Variants in DCDC1 observed in about 807,000 individuals in gnomAD.
DCDC1 encodes doublecortin domain containing 1, also known as doublecortin domain-containing protein 1.
Under a neutral mutation model 178.3 loss-of-function variants are expected in DCDC1, and 200 were observed. The ratio of observed to expected loss-of-function variants is 1.12; its 90% CI spans 1.00 to 1.26. The LOEUF (loss-of-function observed/expected upper bound fraction) is 1.26, where lower values mean the gene tolerates loss of function less well. Among genes scored for constraint, DCDC1 ranks in the 50% most tolerant of loss-of-function variants. The pLI, the probability that DCDC1 is intolerant of heterozygous loss-of-function variation, is 0.00. For missense variants in DCDC1, 1,983 were observed against 1,749.2 expected, an observed-to-expected ratio of 1.13 and a Z score of -2.38; for synonymous variants, 690 against 604.8, an observed-to-expected ratio of 1.14 and a Z score of -2.07.
rs940660525 is a variant in DCDC1 at position 31,146,005 on chromosome 11, C to T, written c.1222-8221G>A. ...TAATATTACTTTCTTCCTGAGCTCT[C>T]ACCCACTGGATAATGGGGGCAAAAT... On this transcript the variant is annotated intron_variant, in intron 9 of 38. Transcript: ENST00000684477. Among the ~76,000 whole-genome samples, 16 of 151,874 alleles carry T rather than the reference C, an allele frequency of 1.1e-4. 1 individual carries two copies. The highest frequency in any genetic ancestry group is 9.2e-4 in the Admixed American group (14 of 15,256).
intron 3 of DCDC1, among the ~76,000 whole-genome samples, chr11:31,308,382 C>A (rs1470059774): frequency 2.6e-5 from 4 of 152,278 alleles, no homozygotes; most frequent in Non-Finnish European, 4.4e-5. Context: ...AAACAATCCC[C>A]CAATAGAGAA....
rs1320787930 is a variant in DCDC1 at position 31,037,544 on chromosome 11, G to A, written c.2591+26925C>T. ...GCCTCCCGGGATACGCCATTCTCCT[G>A]CCTCAGCCTCCCCAGTAGCTGGGAC... On this transcript the variant is annotated intron_variant, in intron 20 of 38. Coordinates refer to ENST00000684477, the MANE Select transcript of DCDC1 (RefSeq NM_001387274.1). 2.0e-5 allele frequency among the ~76,000 whole-genome samples: 3 copies of A among 150,380 alleles called. No homozygotes were observed. The East Asian group carries it at 6.0e-4, about 30-fold the overall frequency.
intron 9 of DCDC1, among the ~76,000 whole-genome samples, chr11:31,227,317 C>T (rs542706947): frequency 6.6e-6 from 1 of 152,126 alleles, no homozygotes; most frequent in South Asian, 2.1e-4. Flanking sequence ...GTCAACACAT[C>T]AAATGGTAAG....
chr11:30,907,810 C>T (rs1007357581), intron 29 of DCDC1, among the ~76,000 whole-genome samples: 8 of 151,932 alleles, frequency 5.3e-5, no homozygotes, highest in Non-Finnish European at 1.2e-4. Flanking sequence ...ATCGCCGGCT[C>T]GCCAAGCAAA....
chr11:31,249,473 T>C (rs1943813507), intron 8 of DCDC1, among the ~76,000 whole-genome samples: 1 of 152,174 alleles, frequency 6.6e-6, no homozygotes, highest in Non-Finnish European at 1.5e-5. Context: ...CATTCTGTTT[T>C]TGACATAAGC....
At chr11:30,898,086 T>C (rs1944375228) in intron 34 of DCDC1, among the ~76,000 whole-genome samples, 1 of 151,896 alleles carries the variant, frequency 6.6e-6, no homozygotes, top group Non-Finnish European at 1.5e-5. Flanking sequence ...TCTGGGGAGC[T>C]AAAAGAAAGC....
chr11:31,293,642 C>A (rs554231763), intron 6 of DCDC1, among the ~76,000 whole-genome samples: 1 of 152,278 alleles, frequency 6.6e-6, no homozygotes, highest in South Asian at 2.1e-4. Context: ...CCATGAAAAA[C>A]AGTACTATAG....
intron 6 of DCDC1, among the ~76,000 whole-genome samples, chr11:31,302,700 G>C (rs1948194034): frequency 6.6e-6 from 1 of 152,156 alleles, no homozygotes; most frequent in South Asian, 2.1e-4. Context: ...GGTATGTGAT[G>C]AATAGCTCTC....
At chr11:31,017,568 T>C (rs1353035542) in intron 20 of DCDC1, among the ~76,000 whole-genome samples, 1 of 151,992 alleles carries the variant, frequency 6.6e-6, no homozygotes, top group African/African-American at 2.4e-5. Context: ...AAAACCTATC[T>C]GTTTTCACTA....
In DCDC1 at chr11:30,900,417, A is replaced by T. The variant is rs577964329; in HGVS notation, c.4592T>A (p.Leu1531Ter). 6.3e-7 allele frequency: 1 copy of T among 1,583,660 alleles called. No homozygotes were observed. The highest frequency in any genetic ancestry group is 2.3e-5 in the East Asian group (1 of 43,934). ...AGGATTTCTGAGGATGAGGGTAAGC[A>T]AAGACTTGTCTATACCATCCAAACT... ...SDSLDGIDKS[L>*]LTLILRNPIA... The change falls in exon 33 of 39, where the codon TTG becomes TAG. Residue 1531 changes from leucine (L) to a stop codon, truncating the protein, a stop_gained. Coordinates refer to ENST00000684477, the MANE Select transcript of DCDC1 (RefSeq NM_001387274.1). LOFTEE classifies it high-confidence loss of function.
chr11:30,976,270 T>C (rs1435424348), intron 20 of DCDC1, among the ~76,000 whole-genome samples: 1 of 152,130 alleles, frequency 6.6e-6, no homozygotes, highest in South Asian at 2.1e-4. Context: ...AACTTTGTTC[T>C]GTCTATGGAT....
chr11:31,228,983 C>A (rs1238043656), intron 9 of DCDC1, among the ~76,000 whole-genome samples: 1 of 151,934 alleles, frequency 6.6e-6, no homozygotes, highest in Admixed American at 6.6e-5. Context: ...ATTTGTACCC[C>A]AAACCACAGA....
intron 3 of DCDC1, among the ~76,000 whole-genome samples, chr11:31,310,509 C>T (rs930927791): frequency 6.6e-6 from 1 of 151,480 alleles, no homozygotes; most frequent in Non-Finnish European, 1.5e-5. Flanking sequence ...TTAGTAGAGA[C>T]GGTGTTTCAC....
chr11:31,238,999 G>A (rs935136502), intron 9 of DCDC1, among the ~76,000 whole-genome samples: 4 of 151,816 alleles, frequency 2.6e-5, no homozygotes, highest in Non-Finnish European at 5.9e-5. Context: ...CTATATTATC[G>A]CAATTTATTT....
chr11:31,099,414 A>T (rs974358283), intron 15 of DCDC1, among the ~76,000 whole-genome samples: 1 of 152,146 alleles, frequency 6.6e-6, no homozygotes, highest in African/African-American at 2.4e-5. Flanking sequence ...AAAAACCAGA[A>T]TTCCCTAATA....
rs927954841 is a variant in DCDC1 at position 31,229,194 on chromosome 11, G to A, written c.1221+12256C>T. On this transcript the variant is annotated intron_variant, in intron 9 of 38. Transcript: ENST00000684477. ...ACCAAATACTTAAGAAATAATAGAG[G>A]TGGCAAACAAACTTGGAAAATAGAA... 9.9e-5 allele frequency among the ~76,000 whole-genome samples: 15 copies of A among 152,106 alleles called. 1 individual carries two copies. Among genetic ancestry groups the A allele is most frequent in the Non-Finnish European group, 4.4e-5 (3 of 67,944 alleles).
rs149258923 is a variant in DCDC1, at chr11:30,900,561, A to T, written c.4511-63T>A. On this transcript the variant is annotated intron_variant, in intron 32 of 38. Coordinates refer to ENST00000684477, the MANE Select transcript of DCDC1 (RefSeq NM_001387274.1). ...AATAATGAATAAATTTGTTTTCTGA[A>T]TTTGTTTATTCAAAATATTTTATTA... 2.2e-5 allele frequency: 29 copies of T among 1,317,632 alleles called. No individual in the cohort carries two copies. In the African/African-American group the frequency reaches 3.9e-4, roughly 18 times the overall value. 81.6% of individuals were successfully genotyped at this position (1,317,632 alleles called of 1,614,324 possible). A position where few individuals can be genotyped will look rare whatever the true frequency, so the allele number is the denominator to read the frequency against.
intron 20 of DCDC1, among the ~76,000 whole-genome samples, chr11:31,063,542 C>A (rs552036116): frequency 6.6e-6 from 1 of 152,114 alleles, no homozygotes; most frequent in South Asian, 2.1e-4. Flanking sequence ...AGTTTTTTGT[C>A]TCTTTTCATG....
At chr11:30,981,377 A>G (rs970988133) in intron 20 of DCDC1, among the ~76,000 whole-genome samples, 10 of 152,216 alleles carry the variant, frequency 6.6e-5, no homozygotes, top group Admixed American at 5.9e-4. Flanking sequence ...TACAACTGCT[A>G]TAAAGATTAA....
Sources: gnomAD v4.1 joint callset for allele counts (sites outside exome capture counted in the v4.1 genomes callset) on GRCh38, gnomAD v4.1.1 for gene constraint, MANE v1.5 for transcripts, NCBI Gene and HGNC (gene_info 2026-07-23, HGNC 2026-07-21) for gene names.